Variants in FRMD6 observed in about 807,000 individuals in gnomAD.
FRMD6 encodes FERM domain containing 6.
In FRMD6, 37 loss-of-function variants were observed where a neutral mutation model predicts 73.2. The observed-to-expected ratio is 0.51, with a 90% CI of 0.39 to 0.66. The LOEUF is 0.66. Ranked by LOEUF, FRMD6 falls within the 30% of genes least tolerant of loss-of-function variation. The probability of loss-of-function intolerance (pLI) is 0.00; values close to 1 mark genes in which losing one functional copy is unlikely to be tolerated. For missense variants in FRMD6, 714 were observed against 780.5 expected, an observed-to-expected ratio of 0.91 and a Z score of 1.02; for synonymous variants, 273 against 282.2, an observed-to-expected ratio of 0.97 and a Z score of 0.33.
At chr14:51,456,078 G>C in the FRMD6 span, among the ~76,000 whole-genome samples, 2 of 152,180 alleles carry the variant, frequency 1.3e-5, no homozygotes, top group African/African-American at 4.8e-5. Context: ...GGGCTTGAGG[G>C]GGCTCTGGGT....
At chr14:51,685,582 A>G (rs111227220) in intron 1 of FRMD6, among the ~76,000 whole-genome samples, 2,911 of 152,348 alleles carry the variant, frequency 0.019, 46 homozygotes, top group Middle Eastern at 0.054. Flanking sequence ...ATAGGATACT[A>G]TACATTAAAG....
chr14:51,567,903 G>T (rs1862303659), intron 1 of FRMD6, among the ~76,000 whole-genome samples: 1 of 152,068 alleles, frequency 6.6e-6, no homozygotes, highest in South Asian at 2.1e-4. Flanking sequence ...GTTTGCAGTT[G>T]GTATTTTTCT....
At chr14:51,716,995 AT>A (rs908644900) in intron 10 of FRMD6, among the ~76,000 whole-genome samples, 1 of 151,980 alleles carries the variant, frequency 6.6e-6, no homozygotes, top group Non-Finnish European at 1.5e-5. Context: ...ATTTTAGTAC[AT>A]TTTTTTTGTT....
At chr14:51,444,307 T>C in the FRMD6 span, among the ~76,000 whole-genome samples, 1 of 152,330 alleles carries the variant, frequency 6.6e-6, no homozygotes, top group African/African-American at 2.4e-5. Flanking sequence ...GTAATTTTGT[T>C]GCCATCAGAT....
chr14:51,620,317 C>G (rs1323815426), intron 2 of FRMD6, among the ~76,000 whole-genome samples: 3 of 152,080 alleles, frequency 2.0e-5, no homozygotes, highest in Non-Finnish European at 2.9e-5. Flanking sequence ...AGCACAAATA[C>G]AGCTGCCAGC....
chr14:51,567,769 C>T (rs1363315911), intron 1 of FRMD6, among the ~76,000 whole-genome samples: 1 of 152,172 alleles, frequency 6.6e-6, no homozygotes, highest in Non-Finnish European at 1.5e-5. Context: ...GCTTAACTCT[C>T]TCCTTTCTTT....
the FRMD6 span, among the ~76,000 whole-genome samples, chr14:51,447,594 G>A: frequency 3.9e-5 from 6 of 152,194 alleles, no homozygotes; most frequent in Non-Finnish European, 7.3e-5. Flanking sequence ...CCTTATGTAA[G>A]GCCACCAAGC....
At chr14:51,500,170 C>T (rs1883525102) in intron 1 of FRMD6, among the ~76,000 whole-genome samples, 1 of 152,128 alleles carries the variant, frequency 6.6e-6, no homozygotes, top group Admixed American at 6.5e-5. Context: ...TTGGCAGTTA[C>T]ATATTTTGGG....
the FRMD6 span, among the ~76,000 whole-genome samples, chr14:51,408,159 CT>C: frequency 0.017 from 2,379 of 141,336 alleles, 26 homozygotes; most frequent in African/African-American, 0.035. Context: ...CTCAGCTATT[CT>C]TTTTTTTTTT....
intron 1 of FRMD6, among the ~76,000 whole-genome samples, chr14:51,532,678 C>T (rs1217401138): frequency 2.0e-5 from 3 of 152,130 alleles, no homozygotes; most frequent in Non-Finnish European, 4.4e-5. Flanking sequence ...AGTCTGAAGA[C>T]GTCCTTCCTA....
rs1265432232 is a variant in FRMD6, at chr14:51,720,041, T to G, written c.1025-14T>G. On this transcript the variant is annotated splice_polypyrimidine_tract_variant and intron_variant, in intron 10 of 13. Transcript: ENST00000344768. Reference sequence around the variant, plus strand: ...TTCTGTCTTGGTTAATGAACTGTGTTCCCCACCACGTAGAGAAGAAGCAGT... The same window carrying G: ...TTCTGTCTTGGTTAATGAACTGTGTGCCCCACCACGTAGAGAAGAAGCAGT... The G allele has an allele frequency of 1.3e-6, 2 of 1,597,182 alleles. No individual in the cohort carries two copies. The highest frequency in any genetic ancestry group is 1.7e-6 in the Non-Finnish European group (2 of 1,169,864).
the FRMD6 span, among the ~76,000 whole-genome samples, chr14:51,432,800 C>G: frequency 2.7e-4 from 41 of 152,282 alleles, no homozygotes; most frequent in African/African-American, 8.9e-4. Flanking sequence ...ATGAATAGGG[C>G]TGAGAAAGCA....
chr14:51,485,110 G>A (rs967059131), upstream of FRMD6, among the ~76,000 whole-genome samples: 1 of 152,222 alleles, frequency 6.6e-6, no homozygotes, highest in South Asian at 2.1e-4. Context: ...GCTCAAAAGT[G>A]TCTGTGGACA....
At chr14:51,630,991 G>C (rs1485777413) in intron 2 of FRMD6, among the ~76,000 whole-genome samples, 39 of 152,126 alleles carry the variant, frequency 2.6e-4, no homozygotes, top group Non-Finnish European at 2.9e-5. Flanking sequence ...AAGGAATGTA[G>C]AGGAGTGGGA....
the FRMD6 span, among the ~76,000 whole-genome samples, chr14:51,408,722 T>G: frequency 6.6e-6 from 1 of 152,196 alleles, no homozygotes; most frequent in African/African-American, 2.4e-5. Flanking sequence ...TCCAATAATT[T>G]TAATATCTAT....
chr14:51,486,144 C>G (rs1003016285), upstream of FRMD6, among the ~76,000 whole-genome samples: 2 of 151,986 alleles, frequency 1.3e-5, no homozygotes, highest in African/African-American at 4.8e-5. Context: ...ACGTCATTCT[C>G]CTGCCTCAGC....
chr14:51,490,174 G>A (rs1053895921), intron 1 of FRMD6, among the ~76,000 whole-genome samples: 6 of 152,290 alleles, frequency 3.9e-5, no homozygotes, highest in Non-Finnish European at 8.8e-5. Flanking sequence ...AGTGATAAAG[G>A]GAATATGGAG....
At chr14:51,596,551 G>A (rs755123045) in intron 2 of FRMD6, among the ~76,000 whole-genome samples, 1 of 152,192 alleles carries the variant, frequency 6.6e-6, no homozygotes, top group African/African-American at 2.4e-5. Context: ...GTTTACCCAT[G>A]TGGCTGAGTG....
At chr14:51,699,720 C>A (rs553169007) in intron 3 of FRMD6, among the ~76,000 whole-genome samples, 1 of 151,948 alleles carries the variant, frequency 6.6e-6, no homozygotes, top group Non-Finnish European at 1.5e-5. Context: ...TTGTAGGTGG[C>A]AGAGGTATAG....
Sources: gnomAD v4.1 joint callset for allele counts (sites outside exome capture counted in the v4.1 genomes callset) on GRCh38, gnomAD v4.1.1 for gene constraint, MANE v1.5 for transcripts, NCBI Gene and HGNC (gene_info 2026-07-23, HGNC 2026-07-21) for gene names.